The following NRG1 variants were observed in gnomAD, a reference collection of about 807,000 sequenced individuals.
NRG1 encodes pro-neuregulin-1, membrane-bound isoform.
NRG1 carries 18 observed loss-of-function variants against 63.8 expected under a neutral mutation model. That is an observed-to-expected ratio of 0.28 (90% confidence interval 0.19 to 0.42). NRG1 has a LOEUF of 0.42. Among genes scored for constraint, NRG1 ranks in the 10% least tolerant of loss-of-function variants. The pLI is 1.00. For synonymous variants in NRG1, 302 were observed against 301.3 expected (o/e 1.00, Z -0.02); for missense variants, 762 against 814.7 (o/e 0.94, Z 0.79).
At chr8:31,920,306 A>T (rs960053874) in intron 1 of NRG1, among the ~76,000 whole-genome samples, 1 of 151,408 alleles carries the variant, frequency 6.6e-6, no homozygotes, top group Non-Finnish European at 1.5e-5. Flanking sequence ...TTTAAATTAA[A>T]AAAAAAAGAT....
intron 1 of NRG1, among the ~76,000 whole-genome samples, chr8:32,155,270 T>C (rs1273126741): frequency 6.6e-6 from 1 of 152,190 alleles, no homozygotes; most frequent in Non-Finnish European, 1.5e-5. Flanking sequence ...TTATTAATAC[T>C]CTTGCTCCAC....
intron 1 of NRG1, among the ~76,000 whole-genome samples, chr8:32,291,928 C>T (rs923166073): frequency 6.6e-6 from 1 of 152,102 alleles, no homozygotes; most frequent in Non-Finnish European, 1.5e-5. Flanking sequence ...AGGCTTGGTA[C>T]CAGCACCAGC....
intron 1 of NRG1, among the ~76,000 whole-genome samples, chr8:32,257,369 A>G (rs1849847908): frequency 6.6e-6 from 1 of 152,138 alleles, no homozygotes; most frequent in Non-Finnish European, 1.5e-5. Flanking sequence ...GTCTGCCCAT[A>G]TGGTAACCAG....
chr8:31,667,195 A>G (rs1442000402), intron 1 of NRG1, among the ~76,000 whole-genome samples: 2 of 152,198 alleles, frequency 1.3e-5, no homozygotes, highest in Admixed American at 6.5e-5. Context: ...TTAATCAAAT[A>G]CTGATTTACC....
chr8:32,099,855 A>G (rs551881481), intron 1 of NRG1: 3 of 152,344 alleles, frequency 2.0e-5, no homozygotes, highest in African/African-American at 7.2e-5. Flanking sequence ...TTTCAACTGT[A>G]CATAGTTGCA....
intron 1 of NRG1, among the ~76,000 whole-genome samples, chr8:32,034,777 G>T (rs1818780212): frequency 6.6e-6 from 1 of 152,154 alleles, no homozygotes; most frequent in Non-Finnish European, 1.5e-5. Flanking sequence ...TTGTATTTCT[G>T]TGGGGTCAGT....
intron 1 of NRG1, among the ~76,000 whole-genome samples, chr8:32,359,445 T>C (rs1218796577): frequency 6.6e-6 from 1 of 152,142 alleles, no homozygotes; most frequent in East Asian, 1.9e-4. Context: ...GAACAAAATA[T>C]TGCTTTGAGA....
At chr8:31,818,509 C>T (rs915734411) in intron 1 of NRG1, among the ~76,000 whole-genome samples, 1 of 152,110 alleles carries the variant, frequency 6.6e-6, no homozygotes, top group African/African-American at 2.4e-5. Flanking sequence ...AGGGATGAAA[C>T]CGTTCCACCT....
intron 1 of NRG1, among the ~76,000 whole-genome samples, chr8:32,270,580 C>A (rs533668997): frequency 4.6e-5 from 7 of 152,284 alleles, no homozygotes; most frequent in Admixed American, 4.6e-4. Flanking sequence ...TTGTTTAAAG[C>A]ACATTTAATA....
chr8:32,539,149 T>C (rs1832326134), intron 1 of NRG1, among the ~76,000 whole-genome samples: 2 of 151,998 alleles, frequency 1.3e-5, no homozygotes, highest in South Asian at 4.1e-4. Context: ...AGAAAAGAGA[T>C]TGTTTATGCA....
chr8:32,218,797 C>T (rs2132460723), intron 1 of NRG1, among the ~76,000 whole-genome samples: 1 of 152,298 alleles, frequency 6.6e-6, no homozygotes, highest in East Asian at 1.9e-4. Flanking sequence ...TAGAGGATGC[C>T]AAATGAGCCT....
chr8:32,730,082 T>C (rs2129017569), intron 6 of NRG1, among the ~76,000 whole-genome samples: 1 of 152,310 alleles, frequency 6.6e-6, no homozygotes, highest in South Asian at 2.1e-4. Context: ...AAACATCTCT[T>C]TCACGGAAAT....
rs368238822 is a variant in NRG1 at position 32,205,010 on chromosome 8, GAAAT to G, written c.38-390813_38-390810del. Among the ~76,000 whole-genome samples the G allele has an allele frequency of 3.0e-3, 460 of 152,258 alleles. 7 individuals carry two copies. Among genetic ancestry groups the G allele is most frequent in the African/African-American group, 0.011 (443 of 41,556 alleles). ...AACTAATTAAATAATGTGTGGCATG[GAAAT>G]AAATGAAATACTGTGCAACCTTCGA... On this transcript the variant is annotated intron_variant, in intron 1 of 10. Coordinates refer to the NRG1 transcript ENST00000519301.
At chr8:32,374,315 C>T (rs1172079046) in intron 1 of NRG1, among the ~76,000 whole-genome samples, 3 of 152,160 alleles carry the variant, frequency 2.0e-5, no homozygotes, top group Admixed American at 6.5e-5. Flanking sequence ...TCACTCAGCT[C>T]GCTTTCAACT....
At chr8:32,070,655 C>G (rs1825621582) in intron 1 of NRG1, among the ~76,000 whole-genome samples, 1 of 152,226 alleles carries the variant, frequency 6.6e-6, no homozygotes. Flanking sequence ...TCACCTCTCT[C>G]TGTTCCCATC....
chr8:32,264,368 G>T (rs1172077252), intron 1 of NRG1, among the ~76,000 whole-genome samples: 3 of 151,956 alleles, frequency 2.0e-5, no homozygotes, highest in Non-Finnish European at 4.4e-5. Flanking sequence ...TTTAAAAAAA[G>T]AAAGAAAACA....
At chr8:32,768,255 G>A (rs144336574), downstream of NRG1, among the ~76,000 whole-genome samples, 248 of 152,328 alleles carry the variant, frequency 1.6e-3, no homozygotes, top group African/African-American at 5.5e-3. Context: ...TCTAGGGCAT[G>A]ACTGCCTGGA....
At chr8:32,102,386 C>T (rs1019067745) in intron 1 of NRG1, among the ~76,000 whole-genome samples, 3 of 152,136 alleles carry the variant, frequency 2.0e-5, no homozygotes, top group Non-Finnish European at 2.9e-5. Context: ...TTTCCTCCCT[C>T]CTTGGCATCC....
chr8:31,738,917 T>G (rs1006052114), intron 1 of NRG1, among the ~76,000 whole-genome samples: 2 of 152,022 alleles, frequency 1.3e-5, no homozygotes, highest in African/African-American at 4.8e-5. Context: ...CTTAACTAAT[T>G]ACATCTGCCA....
Sources: allele counts gnomAD v4.1 joint callset (sites outside exome capture counted in the v4.1 genomes callset), GRCh38; gene constraint gnomAD v4.1.1; transcripts MANE v1.5; gene names NCBI Gene and HGNC (gene_info 2026-07-23, HGNC 2026-07-21).